The following CATSPERB variants were observed in gnomAD, a reference collection of about 807,000 sequenced individuals.
CATSPERB encodes catsper channel auxiliary subunit beta, also known as cation channel sperm-associated auxiliary subunit beta.
A neutral mutation model predicts 128.3 loss-of-function variants in CATSPERB; 93 were observed. That is an observed-to-expected ratio of 0.72 (90% CI 0.61 to 0.86). CATSPERB has a LOEUF of 0.86. CATSPERB is among the 40% of genes least tolerant of loss of function. The pLI is 0.00. For synonymous variants in CATSPERB, 381 were observed against 448.8 expected (o/e 0.85, Z 1.91); for missense variants, 1,153 against 1,329.5 (o/e 0.87, Z 2.06).
At chr14:91,595,430 G>A (rs1457912952) in intron 22 of CATSPERB, among the ~76,000 whole-genome samples, 1 of 151,920 alleles carries the variant, frequency 6.6e-6, no homozygotes, top group Non-Finnish European at 1.5e-5. Flanking sequence ...GCCTCCCAAG[G>A]TGCTGGGATT....
intron 22 of CATSPERB, among the ~76,000 whole-genome samples, chr14:91,596,420 G>T (rs1893507033): frequency 6.6e-6 from 1 of 152,210 alleles, no homozygotes; most frequent in East Asian, 1.9e-4. Context: ...AGCCAGGATG[G>T]TCTCAATCTC....
intron 22 of CATSPERB, among the ~76,000 whole-genome samples, chr14:91,594,355 A>T (rs1379395839): frequency 1.3e-5 from 2 of 152,132 alleles, no homozygotes; most frequent in Non-Finnish European, 2.9e-5. Context: ...GAGGGATAGC[A>T]TTAGGAGATA....
Position 91,610,632 on chromosome 14 carries a change from A to T in CATSPERB, c.2446T>A (p.Cys816Ser). The T allele has an allele frequency of 6.2e-7, 1 of 1,612,718 alleles. No individual in the cohort carries two copies. The highest frequency in any genetic ancestry group is 8.5e-7 in the Non-Finnish European group (1 of 1,178,954). ...AFIMWSASTE[C>S]FVTTMVPTLK... ...GTTGGCACCATTGTCGTAACAAAGC[A>T]CTCAGTAGAGGCTGACCACATAATA... Residue 816 changes from cysteine to serine, a missense_variant, in exon 21 of 27, where the codon TGC becomes AGC. Physicochemically the swap from Cys to Ser is moderately radical, Grantham distance 112 (BLOSUM62 -1). Coordinates refer to ENST00000256343, the MANE Select transcript of CATSPERB (RefSeq NM_024764.4).
At chr14:91,606,509 G>C (rs1040122296) in intron 22 of CATSPERB, among the ~76,000 whole-genome samples, 8 of 152,286 alleles carry the variant, frequency 5.3e-5, no homozygotes, top group African/African-American at 1.9e-4. Flanking sequence ...GTTGCAGTGA[G>C]CTGAGATCAC....
intron 5 of CATSPERB, among the ~76,000 whole-genome samples, chr14:91,718,704 G>A (rs1895981673): frequency 6.6e-6 from 1 of 152,210 alleles, no homozygotes; most frequent in Non-Finnish European, 1.5e-5. Context: ...CAGGGTGAAA[G>A]TATTCCCTCA....
At chr14:91,620,833 G>A (rs144795567) in intron 19 of CATSPERB, among the ~76,000 whole-genome samples, 380 of 152,244 alleles carry the variant, frequency 2.5e-3, no homozygotes, top group African/African-American at 8.8e-3. Context: ...TTCACATCCC[G>A]CAAAAACTGT....
At chr14:91,606,539 C>T (rs1258123465) in intron 22 of CATSPERB, among the ~76,000 whole-genome samples, 5 of 152,096 alleles carry the variant, frequency 3.3e-5, no homozygotes, top group South Asian at 2.1e-4. Context: ...CTCCAGCCTG[C>T]GTGACAGAGC....
intron 15 of CATSPERB, among the ~76,000 whole-genome samples, chr14:91,641,347 T>C (rs1894496203): frequency 6.8e-6 from 1 of 147,086 alleles, no homozygotes; most frequent in African/African-American, 2.5e-5. Flanking sequence ...CTAGGTTTTC[T>C]TCTAGGGTTT....
rs368873106 is a variant in CATSPERB at position 91,729,321 on chromosome 14, A to AT, written c.79+79dup. ...ATAAAGAAGAAATACTAAAAGAAAA[A>AT]TTTTTTACTGTAAATAAGGAAGAGA... On this transcript the variant is annotated intron_variant, in intron 2 of 26. Coordinates refer to ENST00000256343, the MANE Select transcript of CATSPERB (RefSeq NM_024764.4). The AT allele has an allele frequency of 2.1e-3, 1,207 of 574,152 alleles. 19 individuals are homozygous for AT. The highest frequency in any genetic ancestry group is 0.021 in the African/African-American group (1,060 of 51,294). The allele number at this position is 574,152 out of a possible 1,614,324, so 35.6% of individuals were successfully genotyped here.
chr14:91,622,827 C>T (rs1011015367), intron 18 of CATSPERB, among the ~76,000 whole-genome samples: 4 of 152,070 alleles, frequency 2.6e-5, no homozygotes. Context: ...ATTTTTCGAA[C>T]CCATTCCAAT....
At chr14:91,692,857 A>C (rs1030705862) in intron 9 of CATSPERB, among the ~76,000 whole-genome samples, 3 of 152,224 alleles carry the variant, frequency 2.0e-5, no homozygotes, top group Admixed American at 6.5e-5. Flanking sequence ...TGGATCAATC[A>C]ATAGGTAGGT....
intron 15 of CATSPERB, among the ~76,000 whole-genome samples, chr14:91,640,458 T>C (rs1335857115): frequency 8.9e-6 from 1 of 112,496 alleles, no homozygotes; most frequent in Non-Finnish European, 1.8e-5. Context: ...TGTGATCTCA[T>C]TGTTCAATTC....
At position 91,616,733 on chromosome 14, in the gene CATSPERB, CTTTTTTTT is replaced by C. The variant is rs1555360386; in HGVS notation, c.2400+856_2400+863del. 6.9e-3 allele frequency among the ~76,000 whole-genome samples: 585 copies of C among 84,522 alleles called. 2 individuals carry two copies. Among genetic ancestry groups the C allele is most frequent in the African/African-American group, 0.026 (554 of 21,364 alleles). 55.4% of individuals were successfully genotyped at this position (84,522 alleles called of 152,430 possible). On this transcript the variant is annotated intron_variant, in intron 20 of 26. Transcript: ENST00000256343. ...ATTTCTTATTATTTAAAGTATTCCC[CTTTTTTTT>C]TTTTTTTTTTTTTTTTTGAGACAGA...
At chr14:91,669,227 T>G (rs1895043520) in intron 14 of CATSPERB, among the ~76,000 whole-genome samples, 1 of 152,228 alleles carries the variant, frequency 6.6e-6, no homozygotes, top group Non-Finnish European at 1.5e-5. Flanking sequence ...TAGTTCCTTC[T>G]TTGGAAGTCA....
At chr14:91,716,929 T>A (rs1271398852) in intron 5 of CATSPERB, among the ~76,000 whole-genome samples, 1 of 152,178 alleles carries the variant, frequency 6.6e-6, no homozygotes, top group East Asian at 1.9e-4. Context: ...CAAAAATTTA[T>A]GTTCACACAA....
Position 91,639,165 on chromosome 14 carries a change from C to G in CATSPERB, c.1518G>C (p.Leu506=). 1 of 1,613,930 alleles carries G rather than the reference C, an allele frequency of 6.2e-7. No individual in the cohort carries two copies. Among genetic ancestry groups the G allele is most frequent in the Non-Finnish European group, 8.5e-7 (1 of 1,179,896 alleles). Residue 506 remains leucine (L), a synonymous_variant, in exon 16 of 27, where the codon CTG becomes CTC. Coordinates refer to ENST00000256343, the MANE Select transcript of CATSPERB (RefSeq NM_024764.4). ...YYDHLGFLHK[L]TLGRFEASGP... Reference sequence around the variant, plus strand: ...CACTAGCTTCAAAGCGACCCAGAGTCAGCTTATGTAGGAATCCCAAGTGAT... The same window carrying G: ...CACTAGCTTCAAAGCGACCCAGAGTGAGCTTATGTAGGAATCCCAAGTGAT...
chr14:91,684,166 C>T (rs191408380), intron 10 of CATSPERB, among the ~76,000 whole-genome samples: 1 of 152,306 alleles, frequency 6.6e-6, no homozygotes, highest in Admixed American at 6.5e-5. Flanking sequence ...AGAAATCACA[C>T]ATGAATTAGC....
Position 91,662,164 on chromosome 14 carries a change from C to T in CATSPERB, c.1288-2183G>A, listed in dbSNP as rs550004129. ...CCTGTTTCTCCCCATTCCTATCCCT[C>T]TGCCTTTCCTGTTACATATCCAATA... is the stretch of plus-strand genomic sequence containing the variant. On this transcript the variant is annotated intron_variant, in intron 14 of 26. Coordinates refer to ENST00000256343, the MANE Select transcript of CATSPERB (RefSeq NM_024764.4). Among the ~76,000 whole-genome samples, 32 of 152,238 alleles carry T rather than the reference C, an allele frequency of 2.1e-4. No homozygotes were observed. In the Middle Eastern group the frequency reaches 0.014, roughly 65 times the overall value.
Position 91,582,216 on chromosome 14 carries a change from C to T in CATSPERB, c.3133-1109G>A, listed in dbSNP as rs547788391. ...TAAAACACCAGTCTGTGTATAAACACCTTTTTCCAAAAATGTTTAATAGCT... is the reference window on the plus strand; with the variant it reads ...TAAAACACCAGTCTGTGTATAAACATCTTTTTCCAAAAATGTTTAATAGCT... On this transcript the variant is annotated intron_variant, in intron 26 of 26. Coordinates refer to ENST00000256343, the MANE Select transcript of CATSPERB (RefSeq NM_024764.4). Among the ~76,000 whole-genome samples, 16 of 152,294 alleles carry T rather than the reference C, an allele frequency of 1.1e-4. No homozygotes were observed. The East Asian group carries it at 3.1e-3, about 29-fold the overall frequency.
Sources: gnomAD v4.1 joint callset for allele counts (sites outside exome capture counted in the v4.1 genomes callset) on GRCh38, gnomAD v4.1.1 for gene constraint, MANE v1.5 for transcripts, NCBI Gene and HGNC (gene_info 2026-07-23, HGNC 2026-07-21) for gene names.